Variants in PTMA observed in about 807,000 individuals in gnomAD.
PTMA encodes prothymosin alpha, also known as gene sequence 28.
A neutral mutation model predicts 16.9 loss-of-function variants in PTMA; 4 were observed. The ratio of observed to expected loss-of-function variants is 0.24; its 90% CI spans 0.12 to 0.54. The LOEUF is 0.54. Among genes scored for constraint, PTMA ranks in the 20% least tolerant of loss-of-function variants. The pLI is 0.95. For synonymous variants in PTMA, 58 were observed against 47.9 expected, an observed-to-expected ratio of 1.21 and a Z score of -0.87; for missense variants, 120 against 137.7, an observed-to-expected ratio of 0.87 and a Z score of 0.64.
Position 231,710,199 on chromosome 2 carries a change from C to G in PTMA, c.46-1149C>G, listed in dbSNP as rs748864395. 1.1e-5 allele frequency: 14 copies of G among 1,319,286 alleles called. 1 individual carries two copies. The highest frequency in any genetic ancestry group is 2.0e-6 in the Non-Finnish European group (2 of 1,022,968). The allele number at this position is 1,319,286 out of a possible 1,614,324, so 81.7% of individuals were successfully genotyped here. A position where few individuals can be genotyped will look rare whatever the true frequency, so the allele number is the denominator to read the frequency against. ...GCCGAATGCAGACATTCGGGCCTGCCGGGGTGGCGGCAGTGGGGCGTCGAG... is the reference window on the plus strand; with the variant it reads ...GCCGAATGCAGACATTCGGGCCTGCGGGGGTGGCGGCAGTGGGGCGTCGAG... On this transcript the variant is annotated intron_variant, in intron 1 of 4. Coordinates refer to ENST00000409115, the MANE Select transcript of PTMA (RefSeq NM_002823.5).
In PTMA at chr2:231,710,955, T is replaced by C. The variant is rs563852173; in HGVS notation, c.46-393T>C. ...TTTGGAACATAACCTGCCGCCTTTC[T>C]AGACGGCTCGAGGGGCGGGCTCTTT... On this transcript the variant is annotated intron_variant, in intron 1 of 4. Coordinates refer to ENST00000409115, the MANE Select transcript of PTMA (RefSeq NM_002823.5). Among the ~76,000 whole-genome samples the C allele has an allele frequency of 2.6e-3, 389 of 152,354 alleles. 1 individual carries two copies. The highest frequency in any genetic ancestry group is 8.9e-3 in the African/African-American group (368 of 41,570).
chr2:231,711,484 T>C, intron 2 of PTMA, 65 bp downstream of exon 2: 4 of 1,440,566 alleles, frequency 2.8e-6, no homozygotes, highest in Non-Finnish European at 3.9e-6. Flanking sequence ...CCTGTTCTAC[T>C]TTAAACATAC....
chr2:231,708,648 G>A lies in PTMA; in HGVS notation c.-59G>A. 5 of 1,594,134 alleles carry A rather than the reference G, an allele frequency of 3.1e-6. No homozygotes were observed. Among genetic ancestry groups the A allele is most frequent in the South Asian group, 1.1e-5 (1 of 90,818 alleles). ...GGACTCCGGCAGCTTTATCGCCAGA[G>A]TCCCTGAACTCTCGCTTTCTTTTTA... On this transcript the variant is annotated 5_prime_UTR_variant, in exon 1 of 5. Coordinates refer to ENST00000409115, the MANE Select transcript of PTMA (RefSeq NM_002823.5).
intron 1 of PTMA, among the ~76,000 whole-genome samples, chr2:231,709,035 G>T (rs1344065928): frequency 6.6e-6 from 1 of 152,200 alleles, no homozygotes; most frequent in South Asian, 2.1e-4. Flanking sequence ...AAACTCGTCT[G>T]TGGCCGGTAT....
chr2:231,712,665 G>T lies in PTMA; in HGVS notation c.286-139G>T, dbSNP rs1341169376. 54 of 1,322,388 alleles carry T rather than the reference G, an allele frequency of 4.1e-5. No individual in the cohort carries two copies. The African/African-American group carries it at 8.0e-4, about 19-fold the overall frequency. 81.9% of individuals were successfully genotyped at this position (1,322,388 alleles called of 1,614,324 possible). On this transcript the variant is annotated intron_variant, in intron 4 of 4. Transcript: ENST00000409115. ...AATCTTAAGAACAGGAAGGAAACAG[G>T]GCTGGGCTCAACTTCCCAGAGGCCT...
At chr2:231,710,505 TGA>T (rs1489955888) in intron 1 of PTMA, 8 of 990,070 alleles carry the variant, frequency 8.1e-6, no homozygotes, top group Admixed American at 5.5e-5. Flanking sequence ...CGGGCCGGAC[TGA>T]GAGGGCCGAC....
intron 4 of PTMA, 92 bp from the exon 5 acceptor site, chr2:231,712,712 C>A: frequency 6.8e-7 from 1 of 1,473,694 alleles, no homozygotes; most frequent in South Asian, 1.2e-5. Flanking sequence ...GCTGGGGGTC[C>A]CTGGTTCTTG....
chr2:231,711,652 G>C (rs1395014515), intron 2 of PTMA: 2 of 775,180 alleles, frequency 2.6e-6, no homozygotes, highest in Non-Finnish European at 4.0e-6. Context: ...GACTCCGGTA[G>C]TCTGAGTTTG....
intron 1 of PTMA, chr2:231,711,121 G>T: frequency 2.4e-6 from 1 of 415,522 alleles, no homozygotes; most frequent in East Asian, 4.2e-5. Context: ...GGCCGCTGTA[G>T]CGGGCCTTAA....
intron 1 of PTMA, chr2:231,710,345 C>T (rs768820022): frequency 1.6e-6 from 2 of 1,216,908 alleles, no homozygotes; most frequent in Admixed American, 8.7e-5. Flanking sequence ...GCTCCCTGCG[C>T]GCGGTGCGTG....
At chr2:231,710,363 C>G (rs1415492912) in intron 1 of PTMA, 6 of 1,203,094 alleles carry the variant, frequency 5.0e-6, no homozygotes, top group East Asian at 3.5e-5. Context: ...GTGCCGAGGC[C>G]CGCGCGCAAA....
chr2:231,712,679 TC>T, intron 4 of PTMA, 124 bp from the exon 5 acceptor site: 1 of 1,356,786 alleles, frequency 7.4e-7, no homozygotes, highest in Admixed American at 2.1e-5. Context: ...GGGCTCAACT[TC>T]CCAGAGGCCT....
At chr2:231,712,678 T>C in intron 4 of PTMA, 126 bp from the exon 5 acceptor site, 1 of 1,352,772 alleles carries the variant, frequency 7.4e-7, no homozygotes, top group Non-Finnish European at 1.0e-6. Flanking sequence ...TGGGCTCAAC[T>C]TCCCAGAGGC....
intron 2 of PTMA, chr2:231,711,657 A>G: frequency 1.3e-6 from 1 of 792,652 alleles, no homozygotes; most frequent in East Asian, 2.7e-5. Flanking sequence ...CGGTAGTCTG[A>G]GTTTGGGCTT....
At chr2:231,711,317 C>T (rs1227788386) in intron 1 of PTMA, 31 bp from the exon 2 acceptor site, 4 of 1,593,198 alleles carry the variant, frequency 2.5e-6, no homozygotes, top group South Asian at 1.1e-5. Flanking sequence ...AGAAGACTTA[C>T]TGGTTACTGG....
rs1180787095 is a variant in PTMA, at chr2:231,713,037, C to T, written c.*186C>T. ...ACCCAACCCAAACCATGAGAATTTG[C>T]AACAGGGGAGGAAAAAAGAACCAAA... On this transcript the variant is annotated 3_prime_UTR_variant, in exon 5 of 5. Transcript: ENST00000409115. 2 of 602,894 alleles carry T rather than the reference C, an allele frequency of 3.3e-6. No homozygotes were observed. The highest frequency in any genetic ancestry group is 2.9e-6 in the Non-Finnish European group (1 of 340,418). The allele number at this position is 602,894 out of a possible 1,614,324, so 37.3% of individuals were successfully genotyped here.
At chr2:231,710,141 G>T in intron 1 of PTMA, 1 of 1,254,016 alleles carries the variant, frequency 8.0e-7, no homozygotes, top group South Asian at 3.6e-5. Context: ...CAGCCCGGTG[G>T]ACTTTGGGGC....
At chr2:231,711,232 A>C (rs967667675) in intron 1 of PTMA, 116 bp from the exon 2 acceptor site, 53 of 817,872 alleles carry the variant, frequency 6.5e-5, no homozygotes, top group Non-Finnish European at 1.0e-4. Flanking sequence ...TCAACATGCG[A>C]CTCTTAATTT....
chr2:231,712,932 A>G lies in PTMA; in HGVS notation c.*81A>G. ...CCCTCCACTTCCCGTCTCAGAATCT[A>G]AACGTGGTCACCTTCGAGTAGAGAG... On this transcript the variant is annotated 3_prime_UTR_variant, in exon 5 of 5. Transcript: ENST00000409115. 1 of 1,453,346 alleles carries G rather than the reference A, an allele frequency of 6.9e-7. No individual in the cohort carries two copies. 90.0% of individuals were successfully genotyped at this position (1,453,346 alleles called of 1,614,324 possible).
Sources: gnomAD v4.1 joint callset for allele counts (sites outside exome capture counted in the v4.1 genomes callset) on GRCh38, gnomAD v4.1.1 for gene constraint, MANE v1.5 for transcripts, NCBI Gene and HGNC (gene_info 2026-07-23, HGNC 2026-07-21) for gene names.